Variants in PLPPR5 observed in about 807,000 individuals in gnomAD.
PLPPR5 encodes the protein phospholipid phosphatase-related protein type 5.
Under a neutral mutation model 33.9 loss-of-function variants are expected in PLPPR5, and 16 were observed. That is an observed-to-expected ratio of 0.47 (90% confidence interval 0.32 to 0.72). The LOEUF (loss-of-function observed/expected upper bound fraction) is 0.72, where lower values mean the gene tolerates loss of function less well. Ranked by LOEUF, PLPPR5 falls within the 30% of genes least tolerant of loss-of-function variation. The probability of loss-of-function intolerance (pLI) is 0.03; values close to 1 mark genes in which losing one functional copy is unlikely to be tolerated. For missense variants in PLPPR5, 301 were observed against 406.7 expected (o/e 0.74, Z 2.23); for synonymous variants, 163 against 150.3 (o/e 1.08, Z -0.62).
chr1:98,928,548 C>CAT (rs60624111), intron 3 of PLPPR5, among the ~76,000 whole-genome samples: 4,541 of 73,748 alleles, frequency 0.062, 610 homozygotes, highest in East Asian at 0.11. Context: ...AGTTTTAAAT[C>CAT]ATATATATAT....
chr1:98,950,789 T>A (rs1260402285), intron 3 of PLPPR5, among the ~76,000 whole-genome samples: 1 of 152,146 alleles, frequency 6.6e-6, no homozygotes, highest in Non-Finnish European at 1.5e-5. Context: ...ACTCAAGAGA[T>A]TCTCCCGTCT....
At chr1:98,964,687 C>A (rs1431342565) in intron 1 of PLPPR5, among the ~76,000 whole-genome samples, 1 of 152,216 alleles carries the variant, frequency 6.6e-6, no homozygotes, top group Non-Finnish European at 1.5e-5. Context: ...GTACAGGAAG[C>A]CCTCAAACAA....
In PLPPR5 at chr1:98,928,548, CATATATATAT is replaced by C. The variant is rs60624111; in HGVS notation, c.622-6500_622-6491del. ...AAAAAACTATTAGAAAGTTTTAAAT[CATATATATAT>C]ATATATATATATATGGTTCACTTTC... is the stretch of plus-strand genomic sequence containing the variant. On this transcript the variant is annotated intron_variant, in intron 3 of 5. Transcript: ENST00000263177. Among the ~76,000 whole-genome samples the C allele has an allele frequency of 1.4e-4, 10 of 73,894 alleles. No individual in the cohort carries two copies. The South Asian group carries it at 3.5e-3, about 26-fold the overall frequency. The allele number at this position is 73,894 out of a possible 152,430, so 48.5% of individuals were successfully genotyped here. A position where few individuals can be genotyped will look rare whatever the true frequency, so the allele number is the denominator to read the frequency against.
chr1:98,984,293 C>T (rs568353872), intron 1 of PLPPR5, among the ~76,000 whole-genome samples: 7 of 152,038 alleles, frequency 4.6e-5, no homozygotes, highest in Non-Finnish European at 1.0e-4. Context: ...TCTTTCCCTC[C>T]TAGGATCTTA....
Position 99,004,650 on chromosome 1 carries a change from G to A in PLPPR5, c.22C>T (p.Leu8Phe). 6.2e-7 allele frequency: 1 copy of A among 1,611,642 alleles called. No individual in the cohort carries two copies. The highest frequency in any genetic ancestry group is 8.5e-7 in the Non-Finnish European group (1 of 1,179,248). MPLLPAA[L>F]TSSMLYFQMV... is the part of the protein sequence containing the mutation. ...TGGAAATAGAGCATGCTGCTGGTGAGCGCCGCGGGCAGCAGGGGCATGCAC... is the reference window on the plus strand; with the variant it reads ...TGGAAATAGAGCATGCTGCTGGTGAACGCCGCGGGCAGCAGGGGCATGCAC... Residue 8 changes from leucine to phenylalanine, a missense_variant, in exon 1 of 6, where the codon CTC becomes TTC. Transcript: ENST00000263177.
chr1:98,983,598 T>C (rs1177078927), intron 1 of PLPPR5, among the ~76,000 whole-genome samples: 2 of 151,540 alleles, frequency 1.3e-5, no homozygotes, highest in Non-Finnish European at 2.9e-5. Context: ...TTTGGGTATA[T>C]ACCCAGTAAT....
intron 1 of PLPPR5, 143 bp from the exon 2 acceptor site, chr1:98,956,884 T>C (rs907708627): frequency 1.6e-6 from 1 of 635,780 alleles, no homozygotes; most frequent in African/African-American, 1.9e-5. Flanking sequence ...ATTTCCTAGA[T>C]CCTTTGATTA....
intron 3 of PLPPR5, among the ~76,000 whole-genome samples, chr1:98,948,320 T>C (rs1457521180): frequency 6.6e-6 from 1 of 152,140 alleles, no homozygotes; most frequent in African/African-American, 2.4e-5. Flanking sequence ...TTATAAAAGA[T>C]GGCTGTGTGG....
chr1:98,917,035 T>C (rs761796640), intron 4 of PLPPR5, among the ~76,000 whole-genome samples: 23 of 152,088 alleles, frequency 1.5e-4, no homozygotes, highest in Non-Finnish European at 4.4e-5. Flanking sequence ...GGCAAAGGTA[T>C]GACAATTCAA....
At chr1:98,910,671 G>C (rs1649110011) in intron 5 of PLPPR5, among the ~76,000 whole-genome samples, 1 of 152,130 alleles carries the variant, frequency 6.6e-6, no homozygotes, top group Non-Finnish European at 1.5e-5. Flanking sequence ...TAGCCACTCA[G>C]GGCACAAGGC....
In PLPPR5 at chr1:99,004,592, G is replaced by A. The variant is rs1228426357; in HGVS notation, c.80C>T (p.Ala27Val). 3 of 1,612,914 alleles carry A rather than the reference G, an allele frequency of 1.9e-6. No homozygotes were observed. The highest frequency in any genetic ancestry group is 2.5e-6 in the Non-Finnish European group (3 of 1,179,838). Residue 27 changes from alanine (A) to valine (V), a missense_variant, in exon 1 of 6, where the codon GCG becomes GTG. By Grantham distance (64) the Ala-to-Val change is moderately conservative. Coordinates refer to ENST00000263177, the MANE Select transcript of PLPPR5 (RefSeq NM_001037317.2). ...MVIMAGTVML[A>V]YYFEYTDTFT... is the part of the protein sequence containing the mutation. ...CGTGTCCGTATACTCGAAGTAGTAC[G>A]CCAGCATCACCGTCCCTGCCATGAT...
In PLPPR5 at chr1:98,903,341, G is replaced by C. The variant is rs557360221; in HGVS notation, c.934-10237C>G. Among the ~76,000 whole-genome samples the C allele has an allele frequency of 5.1e-4, 78 of 152,130 alleles. 1 individual carries two copies. Among genetic ancestry groups the C allele is most frequent in the African/African-American group, 1.8e-3 (75 of 41,522 alleles). On this transcript the variant is annotated intron_variant, in intron 5 of 5. Coordinates refer to ENST00000263177, the MANE Select transcript of PLPPR5 (RefSeq NM_001037317.2). The stretch of plus-strand genomic sequence containing the variant: ...ATTTATATTACAGTTCAGCAGCTCT[G>C]TAAAACAAAGATTTGCATTATAGAA...
rs1557699423 is a variant in PLPPR5 at position 99,001,669 on chromosome 1, A to AT, written c.237+2765_237+2766insA. On this transcript the variant is annotated intron_variant, in intron 1 of 5. Coordinates refer to ENST00000263177, the MANE Select transcript of PLPPR5 (RefSeq NM_001037317.2). ...GAACTAGAAATGAGTTTGAAAGTTA[A>AT]AGATATATATATATATATATATATA... is the stretch of plus-strand genomic sequence containing the variant. Among the ~76,000 whole-genome samples the AT allele has an allele frequency of 9.2e-4, 59 of 64,330 alleles. 1 individual carries two copies. The highest frequency in any genetic ancestry group is 3.5e-3 in the African/African-American group (59 of 16,690). 42.2% of individuals were successfully genotyped at this position (64,330 alleles called of 152,430 possible). A position where few individuals can be genotyped will look rare whatever the true frequency, so the allele number is the denominator to read the frequency against.
chr1:98,996,044 C>T (rs993051721), intron 1 of PLPPR5, among the ~76,000 whole-genome samples: 1 of 151,958 alleles, frequency 6.6e-6, no homozygotes, highest in Non-Finnish European at 1.5e-5. Flanking sequence ...AGTTTCACAA[C>T]TTGTTTAAAT....
At chr1:98,945,788 G>A (rs1340976279) in intron 3 of PLPPR5, among the ~76,000 whole-genome samples, 1 of 152,158 alleles carries the variant, frequency 6.6e-6, no homozygotes, top group African/African-American at 2.4e-5. Context: ...CAGAACAATT[G>A]GACCATGAAC....
At chr1:98,927,299 C>CA (rs1407276890) in intron 3 of PLPPR5, among the ~76,000 whole-genome samples, 3 of 152,188 alleles carry the variant, frequency 2.0e-5, no homozygotes, top group Non-Finnish European at 4.4e-5. Flanking sequence ...GGAAAAACAA[C>CA]AGTGGGGTCT....
At chr1:98,993,083 A>C (rs1406303740) in intron 1 of PLPPR5, among the ~76,000 whole-genome samples, 1 of 152,146 alleles carries the variant, frequency 6.6e-6, no homozygotes, top group African/African-American at 2.4e-5. Flanking sequence ...GTAGTTGAAC[A>C]ATGTCTGCTA....
In PLPPR5 at chr1:98,922,040, T is replaced by C. The variant is rs1649574331; in HGVS notation, c.640A>G (p.Ile214Val). The C allele has an allele frequency of 1.2e-6, 2 of 1,612,600 alleles. No individual in the cohort carries two copies. Among genetic ancestry groups the C allele is most frequent in the Non-Finnish European group, 1.7e-6 (2 of 1,179,746 alleles). The change falls in exon 4 of 6, where the codon ATC (isoleucine) becomes GTC (valine). Residue 214 changes from isoleucine to valine, a missense_variant. Coordinates refer to ENST00000263177, the MANE Select transcript of PLPPR5 (RefSeq NM_001037317.2). ...GCAAGTCTGGTTCCCTTGGCTTTGA[T>C]TGTGTTGGTGATGTACATCTGAAAC... is the stretch of plus-strand genomic sequence containing the variant. ...MYLTMYITNT[I>V]KAKGTRLAKP...
chr1:98,960,584 A>G (rs755406293), intron 1 of PLPPR5, among the ~76,000 whole-genome samples: 5 of 152,216 alleles, frequency 3.3e-5, no homozygotes, highest in Non-Finnish European at 4.4e-5. Flanking sequence ...CTTCTGAGTT[A>G]AGGGCACAGT....
Sources: gnomAD v4.1 joint callset for allele counts (sites outside exome capture counted in the v4.1 genomes callset) on GRCh38, gnomAD v4.1.1 for gene constraint, MANE v1.5 for transcripts, NCBI Gene and HGNC (gene_info 2026-07-23, HGNC 2026-07-21) for gene names.